Variants in DLG2 observed in about 807,000 individuals in gnomAD.
The protein encoded by DLG2 is disks large homolog 2.
In DLG2, 45 loss-of-function variants were observed where a neutral mutation model predicts 132.5. That is an observed-to-expected ratio of 0.34 (90% CI 0.27 to 0.44). The LOEUF (loss-of-function observed/expected upper bound fraction) is 0.44. DLG2 is among the 20% of genes least tolerant of loss of function. The pLI is 1.00. For synonymous variants in DLG2, 424 were observed against 419.6 expected (o/e 1.01, Z -0.13); for missense variants, 1,045 against 1,196.9 (o/e 0.87, Z 1.87).
At chr11:84,478,887 T>C (rs1218532069) in intron 7 of DLG2, among the ~76,000 whole-genome samples, 1 of 152,092 alleles carries the variant, frequency 6.6e-6, no homozygotes, top group African/African-American at 2.4e-5. Context: ...AGGCATCTTC[T>C]TTGCATAACA....
chr11:84,849,730 T>C (rs1005610765), intron 6 of DLG2, among the ~76,000 whole-genome samples: 4 of 152,144 alleles, frequency 2.6e-5, no homozygotes, highest in African/African-American at 9.7e-5. Flanking sequence ...ATTTCTTTTA[T>C]AGCACTTACA....
intron 6 of DLG2, chr11:84,546,739 G>T: frequency 2.4e-6 from 1 of 413,572 alleles, no homozygotes; most frequent in Non-Finnish European, 4.7e-6. Flanking sequence ...GCTCCCAATT[G>T]CTCACAATGG....
intron 3 of DLG2, among the ~76,000 whole-genome samples, chr11:85,533,177 C>G (rs2075334223): frequency 6.6e-6 from 1 of 152,066 alleles, no homozygotes; most frequent in South Asian, 2.1e-4. Flanking sequence ...GATTACATCA[C>G]CACACCTAGC....
At position 85,377,428 on chromosome 11, in the gene DLG2, A is replaced by T. The variant is rs539442484; in HGVS notation, c.41-92063T>A. Among the ~76,000 whole-genome samples the T allele has an allele frequency of 1.8e-3, 270 of 152,266 alleles. 1 individual carries two copies. The highest frequency in any genetic ancestry group is 6.3e-3 in the African/African-American group (261 of 41,566). On this transcript the variant is annotated intron_variant, in intron 3 of 27. Transcript: ENST00000376104. ...TGTGCTTTGAGATGAGAATGGGAGC[A>T]AGCAGCACAGTATGGTAAGAAAAGT...
At chr11:85,069,878 C>T (rs1408987660) in intron 6 of DLG2, among the ~76,000 whole-genome samples, 1 of 152,060 alleles carries the variant, frequency 6.6e-6, no homozygotes, top group Non-Finnish European at 1.5e-5. Flanking sequence ...GCACTATTCA[C>T]AATAGCAAAG....
chr11:83,812,938 C>T (rs2047745624), intron 17 of DLG2, among the ~76,000 whole-genome samples: 1 of 152,148 alleles, frequency 6.6e-6, no homozygotes, highest in South Asian at 2.1e-4. Flanking sequence ...GCCTTGAGCA[C>T]TGGGACTGTT....
At chr11:84,490,452 T>A (rs1269760879) in intron 7 of DLG2, among the ~76,000 whole-genome samples, 6 of 152,024 alleles carry the variant, frequency 3.9e-5, no homozygotes, top group Non-Finnish European at 7.4e-5. Flanking sequence ...TTGAACAATA[T>A]CCTTATGTGA....
intron 14 of DLG2, among the ~76,000 whole-genome samples, chr11:83,944,560 G>A (rs1378617227): frequency 6.6e-6 from 1 of 152,170 alleles, no homozygotes; most frequent in African/African-American, 2.4e-5. Flanking sequence ...GTGAACTACT[G>A]GAATGAGGAC....
intron 3 of DLG2, among the ~76,000 whole-genome samples, chr11:85,300,127 G>A (rs1244543354): frequency 6.6e-6 from 1 of 152,116 alleles, no homozygotes. Context: ...CCTCTGCTAT[G>A]ATAAAAACTA....
chr11:85,323,141 C>T (rs947865387), intron 3 of DLG2, among the ~76,000 whole-genome samples: 2 of 152,188 alleles, frequency 1.3e-5, no homozygotes, highest in Non-Finnish European at 2.9e-5. Context: ...CTGTGAGGAG[C>T]TGGAGGAAAC....
At chr11:84,943,900 C>T (rs1020880842) in intron 6 of DLG2, among the ~76,000 whole-genome samples, 1 of 152,118 alleles carries the variant, frequency 6.6e-6, no homozygotes, top group Non-Finnish European at 1.5e-5. Context: ...CTAAAGAACT[C>T]TCTTTAGCAT....
In DLG2 at chr11:84,934,514, TGTTTTG is replaced by T. The variant is rs1371196021; in HGVS notation, c.357+177141_357+177146del. 2.9e-3 allele frequency among the ~76,000 whole-genome samples: 244 copies of T among 85,606 alleles called. 34 individuals are homozygous for T. The highest frequency in any genetic ancestry group is 4.5e-3 in the South Asian group (11 of 2,422). 56.2% of individuals were successfully genotyped at this position (85,606 alleles called of 152,430 possible). A position where few individuals can be genotyped will look rare whatever the true frequency, so the allele number is the denominator to read the frequency against. ...TGTATGGTCCTGGGTGTTTTTTTTT[TGTTTTG>T]TTTTGTTTTTTTTTTTTTTTTTTTT... On this transcript the variant is annotated intron_variant, in intron 6 of 27. Transcript: ENST00000376104.
At chr11:84,240,249 C>T (rs1189873526) in intron 8 of DLG2, among the ~76,000 whole-genome samples, 2 of 152,142 alleles carry the variant, frequency 1.3e-5, no homozygotes, top group African/African-American at 4.8e-5. Context: ...TACTTGGGTC[C>T]TTTTAAGACC....
chr11:84,000,398 T>C (rs1043115816), intron 11 of DLG2, among the ~76,000 whole-genome samples: 3 of 151,978 alleles, frequency 2.0e-5, no homozygotes, highest in African/African-American at 4.8e-5. Flanking sequence ...AATATTCAAA[T>C]AATCAGGGTC....
chr11:84,476,274 A>G (rs1288779812), intron 7 of DLG2, among the ~76,000 whole-genome samples: 1 of 152,140 alleles, frequency 6.6e-6, no homozygotes, highest in Non-Finnish European at 1.5e-5. Context: ...ACATGACTGG[A>G]AATTATTTCT....
chr11:84,723,032 G>A (rs2062012591), intron 6 of DLG2, among the ~76,000 whole-genome samples: 1 of 152,128 alleles, frequency 6.6e-6, no homozygotes. Context: ...ATTCCTTTAT[G>A]TTAGCATAAA....
chr11:84,985,173 C>G (rs2154121878), intron 6 of DLG2, among the ~76,000 whole-genome samples: 1 of 152,250 alleles, frequency 6.6e-6, no homozygotes, highest in Non-Finnish European at 1.5e-5. Context: ...TGCAGAATAT[C>G]CATTCTATTC....
chr11:84,523,233 C>T (rs775363427), intron 7 of DLG2, among the ~76,000 whole-genome samples: 6 of 152,060 alleles, frequency 3.9e-5, no homozygotes, highest in East Asian at 3.8e-4. Flanking sequence ...AACTACTAGG[C>T]GCCAAGTACT....
chr11:84,060,406 G>T (rs1049871421), intron 10 of DLG2, among the ~76,000 whole-genome samples: 9 of 151,926 alleles, frequency 5.9e-5, no homozygotes, highest in Non-Finnish European at 1.3e-4. Flanking sequence ...TCTCCACCTC[G>T]ATTCATCTTA....
Sources: allele counts gnomAD v4.1 joint callset (sites outside exome capture counted in the v4.1 genomes callset), GRCh38; gene constraint gnomAD v4.1.1; transcripts MANE v1.5; gene names NCBI Gene and HGNC (gene_info 2026-07-23, HGNC 2026-07-21).